The following ZFTRAF1 variants were observed in gnomAD, a reference collection of about 807,000 sequenced individuals.
ZFTRAF1 encodes zinc finger TRAF-type-containing protein 1.
At chr8:144,458,610 T>C in the ZFTRAF1 span, among the ~76,000 whole-genome samples, 2 of 152,110 alleles carry the variant, frequency 1.3e-5, no homozygotes, top group Admixed American at 1.3e-4. Flanking sequence ...CCTGGGCTGT[T>C]ATCAATGGAC....
At chr8:144,459,449 G>A in the ZFTRAF1 span, among the ~76,000 whole-genome samples, 1 of 152,256 alleles carries the variant, frequency 6.6e-6, no homozygotes, top group African/African-American at 2.4e-5. Context: ...AACCTGACGT[G>A]AGGCAGGACT....
chr8:144,453,706 A>T, the ZFTRAF1 span: 2 of 464,416 alleles, frequency 4.3e-6, no homozygotes, highest in East Asian at 7.4e-5. Flanking sequence ...TCATCAGCTC[A>T]CAGAGGTGAC....
At chr8:144,458,618 G>T in the ZFTRAF1 span, among the ~76,000 whole-genome samples, 1,235 of 152,258 alleles carry the variant, frequency 8.1e-3, 20 homozygotes, top group African/African-American at 0.029. Context: ...GTTATCAATG[G>T]ACTGTCAACA....
At chr8:144,460,599 C>G in the ZFTRAF1 span, among the ~76,000 whole-genome samples, 1 of 152,270 alleles carries the variant, frequency 6.6e-6, no homozygotes, top group Non-Finnish European at 1.5e-5. Context: ...AGAAAAAGTT[C>G]TGGCCAAGCG....
At chr8:144,456,567 A>G in the ZFTRAF1 span, 2 of 152,536 alleles carry the variant, frequency 1.3e-5, no homozygotes, top group Non-Finnish European at 2.9e-5. Flanking sequence ...CCAGCCAGGA[A>G]GACCCCAAGG....
chr8:144,462,365 C>A, the ZFTRAF1 span: 1 of 483,876 alleles, frequency 2.1e-6, no homozygotes, highest in South Asian at 3.2e-5. Context: ...TTTCCCGCTG[C>A]CGGCCGCCGC....
chr8:144,449,664 C>G, the ZFTRAF1 span: 2 of 152,410 alleles, frequency 1.3e-5, no homozygotes, highest in Admixed American at 1.3e-4. Flanking sequence ...CGGAAAATGC[C>G]TGCTGAGCCC....
chr8:144,452,697 A>C, the ZFTRAF1 span: 1 of 849,462 alleles, frequency 1.2e-6, no homozygotes, highest in Non-Finnish European at 1.8e-6. Context: ...CTGTGAGCCC[A>C]CCCCCCAGGA....
the ZFTRAF1 span, chr8:144,462,299 T>C: frequency 1.7e-6 from 1 of 596,936 alleles, no homozygotes; most frequent in Admixed American, 2.8e-5. Flanking sequence ...CACGGAGGCC[T>C]TGGGCAGGTC....
the ZFTRAF1 span, chr8:144,450,484 C>T: frequency 1.4e-6 from 1 of 718,378 alleles, no homozygotes; most frequent in East Asian, 2.7e-5. Flanking sequence ...CGTAGTCCGT[C>T]TCGTTGCTCT....
At chr8:144,451,847 C>T in the ZFTRAF1 span, 912 of 206,432 alleles carry the variant, frequency 4.4e-3, 10 homozygotes, top group African/African-American at 0.02. Context: ...TTGAGTCGGG[C>T]ACCCTCAGCT....
the ZFTRAF1 span, chr8:144,452,006 C>G: frequency 2.8e-6 from 1 of 362,558 alleles, no homozygotes; most frequent in South Asian, 2.4e-5. Flanking sequence ...CCCAGGCCCC[C>G]TGAGACCTGC....
the ZFTRAF1 span, chr8:144,462,194 T>G: frequency 2.3e-6 from 1 of 444,416 alleles, no homozygotes; most frequent in Admixed American, 4.6e-5. Context: ...CCCGCAGGCC[T>G]GGCCTCCGAG....
the ZFTRAF1 span, chr8:144,457,065 T>C: frequency 6.6e-6 from 1 of 150,756 alleles, no homozygotes; most frequent in African/African-American, 2.5e-5. Flanking sequence ...AATGACACCA[T>C]GGGGATGACA....
chr8:144,452,477 G>C, the ZFTRAF1 span: 2 of 1,547,844 alleles, frequency 1.3e-6, no homozygotes, highest in African/African-American at 1.4e-5. Context: ...TGCCTGTCTT[G>C]GTCGGGTGGG....
At chr8:144,450,543 C>T in the ZFTRAF1 span, 3 of 718,260 alleles carry the variant, frequency 4.2e-6, no homozygotes, top group Non-Finnish European at 7.8e-6. Context: ...CTCACGTCGT[C>T]GTAGGGGCCC....
chr8:144,452,676 G>A, the ZFTRAF1 span: 1 of 1,090,056 alleles, frequency 9.2e-7, no homozygotes, highest in African/African-American at 1.6e-5. Context: ...CTTCCTGCAG[G>A]ACACACGTAA....
At chr8:144,459,377 A>C in the ZFTRAF1 span, among the ~76,000 whole-genome samples, 7 of 152,210 alleles carry the variant, frequency 4.6e-5, no homozygotes, top group African/African-American at 1.7e-4. Context: ...GTCCCCCAGA[A>C]CATATCTAAC....
At chr8:144,456,321 A>G in the ZFTRAF1 span, 1 of 152,802 alleles carries the variant, frequency 6.5e-6, no homozygotes, top group Non-Finnish European at 1.5e-5. Flanking sequence ...GGGTCCCCTC[A>G]GCCCCTGCGC....
Sources: gnomAD v4.1 joint callset for allele counts (sites outside exome capture counted in the v4.1 genomes callset) on GRCh38, gnomAD v4.1.1 for gene constraint, MANE v1.5 for transcripts, NCBI Gene and HGNC (gene_info 2026-07-23, HGNC 2026-07-21) for gene names.